TUBD1: variants seen among roughly 807,000 people sequenced by gnomAD.
The protein encoded by TUBD1 is tubulin delta chain.
Under a neutral mutation model 51.2 loss-of-function variants are expected in TUBD1, and 38 were observed. The observed-to-expected ratio is 0.74, with a 90% CI of 0.57 to 0.97. The LOEUF (loss-of-function observed/expected upper bound fraction) is 0.97, where lower values mean the gene tolerates loss of function less well. Ranked by LOEUF, TUBD1 falls within the 50% of genes least tolerant of loss-of-function variation. TUBD1 has a pLI of 0.00. For missense variants in TUBD1, 489 were observed against 538.4 expected (o/e 0.91, Z 0.91); for synonymous variants, 169 against 178.2 (o/e 0.95, Z 0.41).
At chr17:59,871,985 G>A (rs1598523633) in intron 6 of TUBD1, among the ~76,000 whole-genome samples, 1 of 151,342 alleles carries the variant, frequency 6.6e-6, no homozygotes, top group South Asian at 2.1e-4. Flanking sequence ...ACAGAGTCTC[G>A]CTCTGTTGCC....
Position 59,863,666 on chromosome 17 carries a change from T to C in TUBD1, c.1257A>G (p.Ser419=). The change falls in exon 8 of 9, where the codon TCA becomes TCG. Residue 419 remains serine (S), a splice_region_variant and synonymous_variant. Coordinates refer to ENST00000325752, the MANE Select transcript of TUBD1 (RefSeq NM_016261.4). The part of the protein sequence containing the change: ...IVGKAWNMFA[S]KAYIHQYTKF... ...TTGTAGACTTATTTTATACTTACTT[T>C]GAAGCAAACATATTCCATGCCTTCC... 1 of 1,550,592 alleles carries C rather than the reference T, an allele frequency of 6.4e-7. No homozygotes were observed. The highest frequency in any genetic ancestry group is 8.6e-7 in the Non-Finnish European group (1 of 1,156,180).
At chr17:59,870,097 A>G (rs944474691) in intron 6 of TUBD1, among the ~76,000 whole-genome samples, 1 of 152,072 alleles carries the variant, frequency 6.6e-6, no homozygotes, top group Non-Finnish European at 1.5e-5. Flanking sequence ...ACGGTGGCTT[A>G]TATCTGTAAT....
At position 59,860,414 on chromosome 17, in the gene TUBD1, G is replaced by C; in HGVS notation, c.1270C>G (p.His424Asp). Residue 424 changes from histidine to aspartate, a missense_variant, in exon 9 of 9, where the codon CAT becomes GAT. Coordinates refer to ENST00000325752, the MANE Select transcript of TUBD1 (RefSeq NM_016261.4). ...WNMFASKAYI[H>D]QYTKFGIEEE... Reference sequence around the variant, plus strand: ...TCGATTCCAAATTTTGTGTACTGATGAATGTAGGCTCTGGTAGAAAAAAAA... The same window carrying C: ...TCGATTCCAAATTTTGTGTACTGATCAATGTAGGCTCTGGTAGAAAAAAAA... 1.3e-6 allele frequency: 2 copies of C among 1,515,964 alleles called. No homozygotes were observed. Among genetic ancestry groups the C allele is most frequent in the African/African-American group, 1.4e-5 (1 of 71,110 alleles). 93.9% of individuals were successfully genotyped at this position (1,515,964 alleles called of 1,614,324 possible).
At chr17:59,887,746 G>A (rs1382587161) in intron 2 of TUBD1, among the ~76,000 whole-genome samples, 2 of 152,060 alleles carry the variant, frequency 1.3e-5, no homozygotes, top group Admixed American at 1.3e-4. Flanking sequence ...TCCCACTTTG[G>A]CCTTCTAAGT....
Position 59,885,371 on chromosome 17 carries a change from G to A in TUBD1, c.320+712C>T, listed in dbSNP as rs2040673774. On this transcript the variant is annotated intron_variant, in intron 3 of 8. Coordinates refer to ENST00000325752, the MANE Select transcript of TUBD1 (RefSeq NM_016261.4). ...AATATGTCCCCCACACCTGTTTCTT[G>A]GAATGTCATGTGTATGCAGCTGTTC... The A allele has an allele frequency of 1.0e-5, 8 of 798,234 alleles. No individual in the cohort carries two copies. In the Middle Eastern group the frequency reaches 1.7e-3, roughly 174 times the overall value. 49.4% of individuals were successfully genotyped at this position (798,234 alleles called of 1,614,324 possible). A position where few individuals can be genotyped will look rare whatever the true frequency, so the allele number is the denominator to read the frequency against.
chr17:59,891,289 C>T (rs775315999), intron 1 of TUBD1, among the ~76,000 whole-genome samples: 15 of 152,034 alleles, frequency 9.9e-5, no homozygotes, highest in Non-Finnish European at 2.1e-4. Flanking sequence ...TGCCACCACG[C>T]CTGGCTAATT....
intron 4 of TUBD1, among the ~76,000 whole-genome samples, chr17:59,879,988 G>A (rs2040408509): frequency 6.6e-6 from 1 of 151,400 alleles, no homozygotes; most frequent in African/African-American, 2.4e-5. Context: ...TCTGACCTCA[G>A]GTGATCCATC....
chr17:59,888,825 C>T (rs1308081529), intron 2 of TUBD1, among the ~76,000 whole-genome samples: 1 of 151,890 alleles, frequency 6.6e-6, no homozygotes, highest in African/African-American at 2.4e-5. Context: ...GATTCTCCTG[C>T]CTCAGCCTCC....
intron 1 of TUBD1, among the ~76,000 whole-genome samples, chr17:59,891,429 C>T (rs1227043327): frequency 1.3e-5 from 2 of 152,100 alleles, no homozygotes; most frequent in Non-Finnish European, 2.9e-5. Flanking sequence ...GCCACCACGC[C>T]CGGCCCAAAA....
rs890697218 is a variant in TUBD1, at chr17:59,869,873, T to A, written c.935-3124A>T. Among the ~76,000 whole-genome samples, 36 of 152,270 alleles carry A rather than the reference T, an allele frequency of 2.4e-4. No homozygotes were observed. In the South Asian group the frequency reaches 7.5e-3, roughly 32 times the overall value. On this transcript the variant is annotated intron_variant, in intron 6 of 8. Transcript: ENST00000325752. ...ACATGACAGACTGAGCATATCAGTT[T>A]CCTGCCACTCTCTCTCCAGATCCTG... is the stretch of plus-strand genomic sequence containing the variant.
At chr17:59,876,961 A>G (rs970405849) in intron 5 of TUBD1, among the ~76,000 whole-genome samples, 4 of 151,630 alleles carry the variant, frequency 2.6e-5, no homozygotes, top group Admixed American at 1.3e-4. Flanking sequence ...TTATGGGTTC[A>G]AGCAATTCTC....
intron 5 of TUBD1, among the ~76,000 whole-genome samples, chr17:59,875,840 T>C (rs2040201071): frequency 6.6e-6 from 1 of 152,188 alleles, no homozygotes; most frequent in Admixed American, 6.6e-5. Flanking sequence ...TAGAAACTTG[T>C]ATTTACAATG....
chr17:59,889,678 A>AG (rs1243115117), intron 2 of TUBD1, among the ~76,000 whole-genome samples: 1 of 150,284 alleles, frequency 6.7e-6, no homozygotes, highest in Non-Finnish European at 1.5e-5. Context: ...CAAAAAAAAA[A>AG]AAAAAAAAAG....
chr17:59,888,104 T>G (rs1310385824), intron 2 of TUBD1, among the ~76,000 whole-genome samples: 1 of 152,060 alleles, frequency 6.6e-6, no homozygotes, highest in Non-Finnish European at 1.5e-5. Context: ...CTGGCTAATT[T>G]TTTTGTATTT....
At position 59,890,820 on chromosome 17, in the gene TUBD1, G is replaced by A. The variant is rs1419804946; in HGVS notation, c.172+11C>T. ...ATCAGAGTAAAGGAGAGGACTGTGG[G>A]CCACACCTACCTCCATTCTCCTCCT... is the stretch of plus-strand genomic sequence containing the variant. On this transcript the variant is annotated intron_variant, in intron 2 of 8. Coordinates refer to ENST00000325752, the MANE Select transcript of TUBD1 (RefSeq NM_016261.4). 6.2e-7 allele frequency: 1 copy of A among 1,602,418 alleles called. No individual in the cohort carries two copies.
chr17:59,861,345 C>T (rs562381153), intron 8 of TUBD1, among the ~76,000 whole-genome samples: 2 of 151,816 alleles, frequency 1.3e-5, no homozygotes, highest in East Asian at 3.9e-4. Context: ...ATTACAGGTG[C>T]GTACCACCAC....
chr17:59,870,486 TAGG>T (rs1349082423), intron 6 of TUBD1, among the ~76,000 whole-genome samples: 1 of 148,970 alleles, frequency 6.7e-6, no homozygotes, highest in African/African-American at 2.5e-5. Flanking sequence ...CTCCCTGCAG[TAGG>T]AGGAGTGCGC....
At position 59,881,052 on chromosome 17, in the gene TUBD1, C is replaced by T. The variant is rs761920039; in HGVS notation, c.379G>A (p.Val127Met). 6.2e-7 allele frequency: 1 copy of T among 1,614,156 alleles called. No homozygotes were observed. The highest frequency in any genetic ancestry group is 1.7e-5 in the Admixed American group (1 of 60,012). The change falls in exon 4 of 9, where the codon GTG becomes ATG. Residue 127 changes from valine to methionine, a missense_variant. Coordinates refer to ENST00000325752, the MANE Select transcript of TUBD1 (RefSeq NM_016261.4). ...CCACTGAAAGAGTCACATTTCTCCACTTCCTTCCGGATTATGTTCATTATA... is the reference window on the plus strand; with the variant it reads ...CCACTGAAAGAGTCACATTTCTCCATTTCCTTCCGGATTATGTTCATTATA... Reference protein sequence around the residue: ...ESIMNIIRKEVEKCDSFSGFF... With the variant: ...ESIMNIIRKEMEKCDSFSGFF...
At chr17:59,879,005 T>C (rs1568311418) in intron 4 of TUBD1, among the ~76,000 whole-genome samples, 1 of 152,122 alleles carries the variant, frequency 6.6e-6, no homozygotes, top group Non-Finnish European at 1.5e-5. Context: ...CTGGGAGCGG[T>C]AGCTCATGCC....
Sources: gnomAD v4.1 joint callset for allele counts (sites outside exome capture counted in the v4.1 genomes callset) on GRCh38, gnomAD v4.1.1 for gene constraint, MANE v1.5 for transcripts, NCBI Gene and HGNC (gene_info 2026-07-23, HGNC 2026-07-21) for gene names.